STAC: variants seen among roughly 807,000 people sequenced by gnomAD.
STAC encodes the protein SH3 and cysteine rich domain.
STAC carries 43 observed loss-of-function variants against 48.8 expected under a neutral mutation model. The ratio of observed to expected loss-of-function variants is 0.88; its 90% CI spans 0.69 to 1.14. The LOEUF is 1.14. Ranked by LOEUF, STAC falls within the 50% of genes most tolerant of loss-of-function variation. The pLI is 0.00. For missense variants in STAC, 497 were observed against 504.0 expected, an observed-to-expected ratio of 0.99 and a Z score of 0.13; for synonymous variants, 193 against 179.5, an observed-to-expected ratio of 1.07 and a Z score of -0.60.
At chr3:36,520,165 G>T (rs1698767016) in intron 8 of STAC, among the ~76,000 whole-genome samples, 2 of 152,156 alleles carry the variant, frequency 1.3e-5, no homozygotes, top group Admixed American at 1.3e-4. Flanking sequence ...ACCCAAGCAA[G>T]TAGTATTTCA....
intron 1 of STAC, among the ~76,000 whole-genome samples, chr3:36,406,460 T>G (rs1700090021): frequency 6.6e-6 from 1 of 152,170 alleles, no homozygotes; most frequent in Non-Finnish European, 1.5e-5. Context: ...GGAAAGGACA[T>G]GGTCTTGATT....
At chr3:36,397,416 TA>T (rs1333522148) in intron 1 of STAC, among the ~76,000 whole-genome samples, 1 of 152,212 alleles carries the variant, frequency 6.6e-6, no homozygotes, top group Non-Finnish European at 1.5e-5. Flanking sequence ...TTCATTATTG[TA>T]AATATCTGAG....
Position 36,467,102 on chromosome 3 carries a change from C to T in STAC, c.389-15890C>T, listed in dbSNP as rs932901871. Among the ~76,000 whole-genome samples, 5 of 151,874 alleles carry T rather than the reference C, an allele frequency of 3.3e-5. No homozygotes were observed. The East Asian group carries it at 5.8e-4, about 18-fold the overall frequency. ...CATTTTCTGTGTCTATTGAGATGATCGTGTAATTTTCATTTTTAATTCTGT... is the reference window on the plus strand; with the variant it reads ...CATTTTCTGTGTCTATTGAGATGATTGTGTAATTTTCATTTTTAATTCTGT... On this transcript the variant is annotated intron_variant, in intron 2 of 10. Coordinates refer to ENST00000273183, the MANE Select transcript of STAC (RefSeq NM_003149.3).
At chr3:36,430,048 G>T (rs1171215558) in intron 1 of STAC, among the ~76,000 whole-genome samples, 2 of 152,270 alleles carry the variant, frequency 1.3e-5, no homozygotes, top group Admixed American at 1.3e-4. Context: ...TTCTAGGCCA[G>T]AACATTGTTC....
At chr3:36,516,109 A>G (rs1575255556) in intron 8 of STAC, among the ~76,000 whole-genome samples, 1 of 149,536 alleles carries the variant, frequency 6.7e-6, no homozygotes, top group East Asian at 2.0e-4. Context: ...TCAGGCTCCC[A>G]AGTAGCTGGG....
intron 8 of STAC, among the ~76,000 whole-genome samples, chr3:36,519,031 T>C (rs1359156762): frequency 6.6e-6 from 1 of 152,132 alleles, no homozygotes; most frequent in Non-Finnish European, 1.5e-5. Context: ...GAAGCTGGGA[T>C]TCCAGAAGGA....
At chr3:36,415,081 TG>T (rs1038878989) in intron 1 of STAC, among the ~76,000 whole-genome samples, 1 of 152,184 alleles carries the variant, frequency 6.6e-6, no homozygotes, top group Non-Finnish European at 1.5e-5. Flanking sequence ...CTGCCCCTAC[TG>T]GGGAGTGCCT....
intron 2 of STAC, among the ~76,000 whole-genome samples, chr3:36,469,290 C>T (rs1266179705): frequency 6.6e-6 from 1 of 152,086 alleles, no homozygotes; most frequent in Admixed American, 6.6e-5. Flanking sequence ...TTGGTAGTGG[C>T]TAATTCTCAG....
intron 10 of STAC, among the ~76,000 whole-genome samples, chr3:36,539,060 G>A (rs182932588): frequency 3.8e-4 from 58 of 152,262 alleles, no homozygotes; most frequent in African/African-American, 1.4e-3. Flanking sequence ...ACTGTTTCAA[G>A]ATAGTCCTCA....
chr3:36,441,325 A>G (rs1696343906), intron 1 of STAC, among the ~76,000 whole-genome samples: 1 of 152,070 alleles, frequency 6.6e-6, no homozygotes, highest in African/African-American at 2.4e-5. Flanking sequence ...GCTTCCACAT[A>G]TGAGTGAGAA....
At chr3:36,445,509 A>T (rs973023973) in intron 2 of STAC, among the ~76,000 whole-genome samples, 15 of 152,156 alleles carry the variant, frequency 9.9e-5, no homozygotes. Context: ...AGGAGGTGAG[A>T]AGAGGAAAAG....
chr3:36,523,114 C>T (rs1035355676), intron 8 of STAC, among the ~76,000 whole-genome samples: 3 of 152,236 alleles, frequency 2.0e-5, no homozygotes, highest in Non-Finnish European at 4.4e-5. Flanking sequence ...TTCTCACGCA[C>T]ATGTGTGCAA....
chr3:36,539,874 C>A (rs1235943430), intron 10 of STAC, among the ~76,000 whole-genome samples: 1 of 152,058 alleles, frequency 6.6e-6, no homozygotes, highest in Admixed American at 6.6e-5. Flanking sequence ...AATAACAACT[C>A]CCCAAAGATG....
At chr3:36,502,148 C>T (rs898400050) in intron 6 of STAC, among the ~76,000 whole-genome samples, 1 of 152,024 alleles carries the variant, frequency 6.6e-6, no homozygotes, top group Admixed American at 6.6e-5. Context: ...GAAGAAAGTT[C>T]TTTGGGGATG....
chr3:36,410,977 C>T (rs547926974), intron 1 of STAC, among the ~76,000 whole-genome samples: 16 of 152,294 alleles, frequency 1.1e-4, no homozygotes, highest in African/African-American at 3.9e-4. Flanking sequence ...AAAGTTAACC[C>T]ATAAAAAGCA....
At chr3:36,520,133 CT>C (rs1299062385) in intron 8 of STAC, among the ~76,000 whole-genome samples, 2 of 152,252 alleles carry the variant, frequency 1.3e-5, no homozygotes, top group Non-Finnish European at 2.9e-5. Context: ...CTCTTGAGTT[CT>C]TTTAATAAAT....
At chr3:36,496,509 A>G (rs1329128499) in intron 6 of STAC, among the ~76,000 whole-genome samples, 4 of 152,214 alleles carry the variant, frequency 2.6e-5, no homozygotes, top group Non-Finnish European at 5.9e-5. Flanking sequence ...GCCAGCTATT[A>G]TGTCAAATTC....
intron 2 of STAC, among the ~76,000 whole-genome samples, chr3:36,481,646 T>C (rs956892947): frequency 2.0e-5 from 3 of 152,206 alleles, no homozygotes; most frequent in African/African-American, 7.2e-5. Flanking sequence ...GTTGTCATCT[T>C]GCATAGCATT....
At chr3:36,495,074 T>C (rs536306173) in intron 6 of STAC, among the ~76,000 whole-genome samples, 14 of 152,306 alleles carry the variant, frequency 9.2e-5, no homozygotes, top group African/African-American at 3.1e-4. Flanking sequence ...CCTTGGCCCA[T>C]TGTTGCTCTG....
Sources: allele counts gnomAD v4.1 joint callset (sites outside exome capture counted in the v4.1 genomes callset), GRCh38; gene constraint gnomAD v4.1.1; transcripts MANE v1.5; gene names NCBI Gene and HGNC (gene_info 2026-07-23, HGNC 2026-07-21).